Variants in ROBO2 observed in about 807,000 individuals in gnomAD.
ROBO2 encodes the protein roundabout guidance receptor 2.
Under a neutral mutation model 160.8 loss-of-function variants are expected in ROBO2, and 53 were observed. The observed-to-expected ratio is 0.33, with a 90% CI of 0.26 to 0.41. The LOEUF (loss-of-function observed/expected upper bound fraction) is 0.41, where lower values mean the gene tolerates loss of function less well. Ranked by LOEUF, ROBO2 falls within the 10% of genes least tolerant of loss-of-function variation. ROBO2 has a pLI of 1.00. For synonymous variants in ROBO2, 664 were observed against 611.7 expected (o/e 1.09, Z -1.26); for missense variants, 1,577 against 1,722.4 (o/e 0.92, Z 1.49).
chr3:76,686,367 T>C (rs766038482), intron 2 of ROBO2, among the ~76,000 whole-genome samples: 3 of 152,112 alleles, frequency 2.0e-5, no homozygotes, highest in Non-Finnish European at 4.4e-5. Flanking sequence ...GCCAAATCAA[T>C]TTATTCAGAT....
At chr3:76,404,994 C>T (rs532262587) in intron 2 of ROBO2, among the ~76,000 whole-genome samples, 2 of 151,708 alleles carry the variant, frequency 1.3e-5, no homozygotes, top group African/African-American at 4.8e-5. Flanking sequence ...TAAAACTCTT[C>T]CCAGAGCTTT....
At chr3:76,592,934 G>T (rs1227805274) in intron 2 of ROBO2, among the ~76,000 whole-genome samples, 1 of 152,004 alleles carries the variant, frequency 6.6e-6, no homozygotes, top group Non-Finnish European at 1.5e-5. Context: ...TTATTCAATA[G>T]TGCCTTATGG....
chr3:76,036,784 A>G lies in ROBO2; in HGVS notation c.109+99182A>G, dbSNP rs557922493. 6.9e-4 allele frequency among the ~76,000 whole-genome samples: 105 copies of G among 151,940 alleles called. 1 individual carries two copies. Among genetic ancestry groups the G allele is most frequent in the African/African-American group, 2.3e-3 (94 of 41,318 alleles). ...CTCCCAAAGTGCTGGGATTACAGGC[A>G]TGAGCCACTGTGCCCGGCCATTTCT... On this transcript the variant is annotated intron_variant, in intron 2 of 26. Transcript: ENST00000487694.
chr3:76,886,146 T>C (rs1338662899), intron 2 of ROBO2, among the ~76,000 whole-genome samples: 1 of 152,098 alleles, frequency 6.6e-6, no homozygotes, highest in Non-Finnish European at 1.5e-5. Flanking sequence ...CTCTGTCTCT[T>C]TACTCTGGTT....
chr3:77,647,446 A>T (rs2095420101), exon 26 of ROBO2: 1 of 152,198 alleles, frequency 6.6e-6, no homozygotes, highest in African/African-American at 2.4e-5. Flanking sequence ...AGAAAAATTT[A>T]AAAGGAGAAA....
chr3:76,655,459 T>TATATATATATA (rs1382812450), intron 2 of ROBO2, among the ~76,000 whole-genome samples: 9 of 133,266 alleles, frequency 6.8e-5, no homozygotes, highest in South Asian at 2.5e-4. Flanking sequence ...TATATATGGA[T>TATATATATATA]TTTTTTCCCT....
intron 2 of ROBO2, among the ~76,000 whole-genome samples, chr3:77,237,183 C>CTTTTTTT (rs34992972): frequency 2.6e-4 from 28 of 106,964 alleles, no homozygotes; most frequent in Non-Finnish European, 3.7e-4. Flanking sequence ...CTTGACCTTT[C>CTTTTTTT]TTTTTTTTTT....
At chr3:77,297,498 C>T (rs1055211628) in intron 2 of ROBO2, among the ~76,000 whole-genome samples, 1 of 152,080 alleles carries the variant, frequency 6.6e-6, no homozygotes, top group Non-Finnish European at 1.5e-5. Flanking sequence ...GAGTCCTTTA[C>T]AGGCAGATCT....
chr3:76,366,823 ATAAT>A (rs748845924), intron 2 of ROBO2, among the ~76,000 whole-genome samples: 12 of 152,162 alleles, frequency 7.9e-5, no homozygotes, highest in South Asian at 2.1e-4. Flanking sequence ...CAGAGAAATA[ATAAT>A]TAATAAAAGG....
intron 2 of ROBO2, among the ~76,000 whole-genome samples, chr3:76,893,240 A>G (rs1288449306): frequency 6.6e-6 from 1 of 151,958 alleles, no homozygotes; most frequent in Admixed American, 6.6e-5. Context: ...ATTCTGAACT[A>G]TTCAACAAGA....
rs1172584728 is a variant in ROBO2, at chr3:77,500,970, G to A, written c.806+7588G>A. ...AGAGATGCTCTGCTGTCTGTTAACT[G>A]ACAGCTCTTGTGTGTGTGGGCAGAG... On this transcript the variant is annotated intron_variant, in intron 5 of 25. Transcript: ENST00000461745. Among the ~76,000 whole-genome samples the A allele has an allele frequency of 1.1e-4, 17 of 152,198 alleles. 1 individual carries two copies. The highest frequency in any genetic ancestry group is 1.1e-3 in the Admixed American group (17 of 15,280).
chr3:76,028,715 G>A (rs1413745324), intron 2 of ROBO2, among the ~76,000 whole-genome samples: 7 of 151,926 alleles, frequency 4.6e-5, no homozygotes, highest in Non-Finnish European at 1.0e-4. Context: ...GGAAGAGGAG[G>A]AGGACCTTTC....
intron 2 of ROBO2, among the ~76,000 whole-genome samples, chr3:76,499,977 C>CA (rs1300749150): frequency 1.3e-4 from 19 of 151,872 alleles, no homozygotes; most frequent in Non-Finnish European, 2.4e-4. Context: ...ACTTTATTTA[C>CA]ATAAAGACCT....
chr3:76,762,085 G>T (rs2061338276), intron 2 of ROBO2, among the ~76,000 whole-genome samples: 1 of 151,316 alleles, frequency 6.6e-6, no homozygotes, highest in Non-Finnish European at 1.5e-5. Context: ...TTCATAATGT[G>T]GAGGAGTCCT....
intron 2 of ROBO2, among the ~76,000 whole-genome samples, chr3:76,810,062 G>A (rs1179119962): frequency 6.6e-6 from 1 of 152,012 alleles, no homozygotes; most frequent in Non-Finnish European, 1.5e-5. Context: ...AAAATATAGG[G>A]AAAATTAAAA....
At chr3:77,117,304 A>G (rs2074306107) in intron 2 of ROBO2, among the ~76,000 whole-genome samples, 1 of 152,194 alleles carries the variant, frequency 6.6e-6, no homozygotes, top group South Asian at 2.1e-4. Context: ...ATGGTTTTAA[A>G]TGTTTGGTCT....
At chr3:76,810,317 G>A (rs913018556) in intron 2 of ROBO2, among the ~76,000 whole-genome samples, 4 of 152,048 alleles carry the variant, frequency 2.6e-5, no homozygotes, top group East Asian at 3.9e-4. Context: ...CACCCAGTTC[G>A]CCAACCCAAA....
At chr3:76,179,493 C>T (rs147354886) in intron 2 of ROBO2, among the ~76,000 whole-genome samples, 11 of 152,208 alleles carry the variant, frequency 7.2e-5, no homozygotes, top group African/African-American at 2.4e-4. Flanking sequence ...AATCATTGAG[C>T]CTTATCAGTT....
intron 2 of ROBO2, among the ~76,000 whole-genome samples, chr3:75,967,370 C>T (rs1949152397): frequency 6.6e-6 from 1 of 151,498 alleles, no homozygotes; most frequent in Non-Finnish European, 1.5e-5. Flanking sequence ...AATATATTGA[C>T]TTCACTACTA....
Sources: gnomAD v4.1 joint callset for allele counts (sites outside exome capture counted in the v4.1 genomes callset) on GRCh38, gnomAD v4.1.1 for gene constraint, MANE v1.5 for transcripts, NCBI Gene and HGNC (gene_info 2026-07-23, HGNC 2026-07-21) for gene names.